Variants in PTPRT observed in about 807,000 individuals in gnomAD.
PTPRT encodes the protein protein tyrosine phosphatase receptor type T.
PTPRT carries 56 observed loss-of-function variants against 176.8 expected under a neutral mutation model. The observed-to-expected ratio is 0.32, with a 90% CI of 0.26 to 0.40. PTPRT has a LOEUF of 0.40. Among genes scored for constraint, PTPRT ranks in the 10% least tolerant of loss-of-function variants. The pLI, the probability that PTPRT is intolerant of heterozygous loss-of-function variation, is 1.00. For synonymous variants in PTPRT, 783 were observed against 739.0 expected (o/e 1.06, Z -0.96); for missense variants, 1,540 against 1,908.2 (o/e 0.81, Z 3.60).
At chr20:42,932,024 T>C (rs1209982133) in intron 1 of PTPRT, among the ~76,000 whole-genome samples, 1 of 152,210 alleles carries the variant, frequency 6.6e-6, no homozygotes, top group East Asian at 1.9e-4. Flanking sequence ...CCTTGTCCCA[T>C]GAATGCCACA....
At position 42,466,790 on chromosome 20, in the gene PTPRT, G is replaced by C. The variant is rs563028996; in HGVS notation, c.1450+5476C>G. Among the ~76,000 whole-genome samples the C allele has an allele frequency of 2.6e-5, 4 of 152,242 alleles. No individual in the cohort carries two copies. The South Asian group carries it at 8.3e-4, about 32-fold the overall frequency. ...GAGCACACCTAAGATGTATATCTTA[G>C]TGCCAAAATACCACTCCCCATTGAA... On this transcript the variant is annotated intron_variant, in intron 8 of 30. Transcript: ENST00000373187.
intron 1 of PTPRT, among the ~76,000 whole-genome samples, chr20:42,982,200 C>A (rs1484048430): frequency 6.6e-6 from 1 of 152,174 alleles, no homozygotes; most frequent in Admixed American, 6.5e-5. Context: ...TTTCTGCCTA[C>A]ACTTACCACC....
At chr20:42,233,268 G>T (rs1322011875) in intron 15 of PTPRT, among the ~76,000 whole-genome samples, 1 of 152,112 alleles carries the variant, frequency 6.6e-6, no homozygotes, top group Admixed American at 6.5e-5. Flanking sequence ...GGATGCTTTT[G>T]CTTGGGAGCT....
rs905247571 is a variant in PTPRT at position 42,554,188 on chromosome 20, C to A, written c.1154-81626G>T. 3.3e-4 allele frequency among the ~76,000 whole-genome samples: 50 copies of A among 152,064 alleles called. 1 individual carries two copies. Among genetic ancestry groups the A allele is most frequent in the Non-Finnish European group, 2.9e-5 (2 of 67,996 alleles). On this transcript the variant is annotated intron_variant, in intron 7 of 30. Transcript: ENST00000373187. ...ACTGAGCAATTCTCCCTCTTGTATGCCATTCAGGGGCATCCTTAAAATATT... is the reference window on the plus strand; with the variant it reads ...ACTGAGCAATTCTCCCTCTTGTATGACATTCAGGGGCATCCTTAAAATATT...
intron 17 of PTPRT, among the ~76,000 whole-genome samples, chr20:42,149,649 C>T (rs1180180843): frequency 6.6e-6 from 1 of 152,060 alleles, no homozygotes; most frequent in African/African-American, 2.4e-5. Flanking sequence ...GTCTCGAACT[C>T]CTGACCTCAG....
chr20:42,321,412 C>A (rs1435888515), intron 11 of PTPRT, among the ~76,000 whole-genome samples: 1 of 152,088 alleles, frequency 6.6e-6, no homozygotes, highest in Admixed American at 6.5e-5. Flanking sequence ...AAATCATAAA[C>A]CTAGGTGATT....
At chr20:42,746,863 T>C (rs73095878) in intron 6 of PTPRT, among the ~76,000 whole-genome samples, 4,089 of 152,192 alleles carry the variant, frequency 0.027, 89 homozygotes, top group Non-Finnish European at 0.039. Flanking sequence ...AGTTGGAGCA[T>C]ATATGATCCA....
At chr20:42,436,939 A>G (rs2059267288) in intron 9 of PTPRT, among the ~76,000 whole-genome samples, 1 of 152,256 alleles carries the variant, frequency 6.6e-6, no homozygotes, top group Non-Finnish European at 1.5e-5. Flanking sequence ...TACACAACTT[A>G]AAATCCTTTA....
intron 7 of PTPRT, among the ~76,000 whole-genome samples, chr20:42,549,547 C>T (rs934511910): frequency 2.6e-5 from 4 of 152,074 alleles, no homozygotes; most frequent in African/African-American, 7.2e-5. Flanking sequence ...TAAACTGTGG[C>T]CCATCATTAA....
intron 7 of PTPRT, among the ~76,000 whole-genome samples, chr20:42,565,444 G>C (rs1404672017): frequency 6.6e-6 from 1 of 152,036 alleles, no homozygotes; most frequent in African/African-American, 2.4e-5. Context: ...CACTGCCTCT[G>C]ATGCACACAC....
At position 42,847,764 on chromosome 20, in the gene PTPRT, C is replaced by T. The variant is rs75787023; in HGVS notation, c.214+38043G>A. Among the ~76,000 whole-genome samples, 655 of 152,290 alleles carry T rather than the reference C, an allele frequency of 4.3e-3. 5 individuals are homozygous for T. The highest frequency in any genetic ancestry group is 0.015 in the African/African-American group (641 of 41,568). On this transcript the variant is annotated intron_variant, in intron 2 of 30. Coordinates refer to ENST00000373187, the MANE Select transcript of PTPRT (RefSeq NM_007050.6). ...TGGGCCTACCATGTTCACCTTGAGA[C>T]TGTTTAGACTTTGCATCAATGACAG...
chr20:42,243,429 C>T (rs1272189645), intron 14 of PTPRT, among the ~76,000 whole-genome samples: 1 of 152,174 alleles, frequency 6.6e-6, no homozygotes, highest in Non-Finnish European at 1.5e-5. Flanking sequence ...AGGAACATCA[C>T]TGGATCTTCC....
intron 9 of PTPRT, among the ~76,000 whole-genome samples, chr20:42,405,400 T>C (rs1021629041): frequency 2.6e-5 from 4 of 152,146 alleles, no homozygotes; most frequent in Admixed American, 2.6e-4. Context: ...GGTCCACCTG[T>C]TCTCATTGTT....
intron 12 of PTPRT, among the ~76,000 whole-genome samples, chr20:42,294,221 A>C (rs893261935): frequency 6.6e-6 from 1 of 152,154 alleles, no homozygotes; most frequent in African/African-American, 2.4e-5. Flanking sequence ...AAAGACAAAG[A>C]CCACACTACA....
intron 16 of PTPRT, among the ~76,000 whole-genome samples, chr20:42,162,643 G>A (rs1225379751): frequency 6.6e-6 from 1 of 152,210 alleles, no homozygotes; most frequent in East Asian, 1.9e-4. Flanking sequence ...AGAACTGCCA[G>A]CTGCAGCAGT....
intron 8 of PTPRT, among the ~76,000 whole-genome samples, chr20:42,458,087 C>G (rs1211996056): frequency 6.6e-6 from 1 of 152,166 alleles, no homozygotes; most frequent in Non-Finnish European, 1.5e-5. Flanking sequence ...GGTTTTCTTT[C>G]CAGGCAGTCT....
rs1176193380 is a variant in PTPRT, at chr20:42,276,555, ATAT to A, written c.2176+5931_2176+5933del. 2.7e-4 allele frequency among the ~76,000 whole-genome samples: 22 copies of A among 82,374 alleles called. 1 individual carries two copies. Among genetic ancestry groups the A allele is most frequent in the Non-Finnish European group, 4.6e-4 (19 of 41,606 alleles). The allele number at this position is 82,374 out of a possible 152,430, so 54.0% of individuals were successfully genotyped here. A position where few individuals can be genotyped will look rare whatever the true frequency, so the allele number is the denominator to read the frequency against. On this transcript the variant is annotated intron_variant, in intron 13 of 30. Coordinates refer to ENST00000373187, the MANE Select transcript of PTPRT (RefSeq NM_007050.6). ...TATATATATATATATATATATATAT[ATAT>A]AATGTTCTTGAATACTTGGTAGAAA...
chr20:42,228,801 T>C (rs1340539976), intron 15 of PTPRT, among the ~76,000 whole-genome samples: 1 of 152,208 alleles, frequency 6.6e-6, no homozygotes, highest in Non-Finnish European at 1.5e-5. Flanking sequence ...ACTGATCTAG[T>C]CACTGGGAAA....
intron 15 of PTPRT, among the ~76,000 whole-genome samples, chr20:42,227,382 G>A (rs1372434179): frequency 6.6e-6 from 1 of 152,010 alleles, no homozygotes; most frequent in South Asian, 2.1e-4. Context: ...GCTCCAAAGG[G>A]CAAGTTCTGA....
Sources: allele counts gnomAD v4.1 joint callset (sites outside exome capture counted in the v4.1 genomes callset), GRCh38; gene constraint gnomAD v4.1.1; transcripts MANE v1.5; gene names NCBI Gene and HGNC (gene_info 2026-07-23, HGNC 2026-07-21).